The following KIF16B variants were observed in gnomAD, a reference collection of about 807,000 sequenced individuals.
The protein encoded by KIF16B is kinesin family member 16B.
Under a neutral mutation model 156.3 loss-of-function variants are expected in KIF16B, and 98 were observed. The observed-to-expected ratio is 0.63, with a 90% confidence interval of 0.53 to 0.74. The LOEUF (loss-of-function observed/expected upper bound fraction) is 0.74, where lower values mean the gene tolerates loss of function less well. Ranked by LOEUF, KIF16B falls within the 30% of genes least tolerant of loss-of-function variation. The pLI is 0.00. For synonymous variants in KIF16B, 564 were observed against 583.7 expected, an observed-to-expected ratio of 0.97 and a Z score of 0.49; for missense variants, 1,421 against 1,606.5, an observed-to-expected ratio of 0.88 and a Z score of 1.97.
intron 1 of KIF16B, among the ~76,000 whole-genome samples, chr20:16,534,207 A>G (rs1242104812): frequency 2.6e-5 from 4 of 152,100 alleles, no homozygotes; most frequent in African/African-American, 9.7e-5. Context: ...GTGAGCTGAG[A>G]TCGCGCCACT....
At chr20:16,424,186 C>A (rs1360772488) in intron 15 of KIF16B, among the ~76,000 whole-genome samples, 1 of 152,116 alleles carries the variant, frequency 6.6e-6, no homozygotes, top group Non-Finnish European at 1.5e-5. Flanking sequence ...GACCTTTGAT[C>A]TTCCTGGCCA....
intron 15 of KIF16B, among the ~76,000 whole-genome samples, chr20:16,411,827 G>C (rs149044835): frequency 1.2e-4 from 18 of 151,950 alleles, no homozygotes; most frequent in African/African-American, 4.1e-4. Flanking sequence ...TTTTGATTGC[G>C]ACCCCATCAC....
Position 16,273,836 on chromosome 20 carries a change from C to T in KIF16B, c.3796-425G>A, listed in dbSNP as rs6034435. On this transcript the variant is annotated intron_variant, in intron 25 of 25. Transcript: ENST00000354981. Reference sequence around the variant, plus strand: ...GAATGCCCTCCACTGTCCCACCTATCATCAGACCAACCAGAGAAGACGGAG... The same window carrying T: ...GAATGCCCTCCACTGTCCCACCTATTATCAGACCAACCAGAGAAGACGGAG... 4.2e-3 allele frequency among the ~76,000 whole-genome samples: 641 copies of T among 152,268 alleles called. 2 individuals are homozygous for T. Among genetic ancestry groups the T allele is most frequent in the African/African-American group, 0.015 (605 of 41,550 alleles).
chr20:16,367,958 A>G, intron 22 of KIF16B: 2 of 1,442,566 alleles, frequency 1.4e-6, no homozygotes, highest in Non-Finnish European at 1.8e-6. Flanking sequence ...AGAGCATGAA[A>G]AATGCTCATT....
chr20:16,406,715 C>T (rs745618471), intron 15 of KIF16B, among the ~76,000 whole-genome samples: 6 of 152,184 alleles, frequency 3.9e-5, no homozygotes, highest in Admixed American at 6.5e-5. Context: ...CTAAGCATTA[C>T]AACATATTAT....
intron 15 of KIF16B, among the ~76,000 whole-genome samples, chr20:16,410,091 G>C (rs1398999715): frequency 3.0e-5 from 3 of 101,534 alleles, no homozygotes. Context: ...ATATATGTAG[G>C]TACATATATA....
In KIF16B at chr20:16,447,317, C is replaced by A. The variant is rs149950633; in HGVS notation, c.1303-17335G>T. 1.3e-3 allele frequency among the ~76,000 whole-genome samples: 200 copies of A among 151,710 alleles called. 2 individuals are homozygous for A. Among genetic ancestry groups the A allele is most frequent in the East Asian group, 9.7e-3 (50 of 5,158 alleles). On this transcript the variant is annotated intron_variant, in intron 12 of 25. Coordinates refer to ENST00000354981, the MANE Select transcript of KIF16B (RefSeq NM_024704.5). Reference sequence around the variant, plus strand: ...TCTGATGTTAAAAAAAAAAAAGTTCCTTTTTTTTAATCACTTTCTTGAACT... The same window carrying A: ...TCTGATGTTAAAAAAAAAAAAGTTCATTTTTTTTAATCACTTTCTTGAACT...
At chr20:16,353,580 G>C (rs947290512) in intron 23 of KIF16B, among the ~76,000 whole-genome samples, 10 of 142,956 alleles carry the variant, frequency 7.0e-5, no homozygotes, top group African/African-American at 2.1e-4. Context: ...AACCCAATGA[G>C]GGGGGGGTTT....
Position 16,504,539 on chromosome 20 carries a change from G to A in KIF16B, c.1009C>T (p.Pro337Ser), listed in dbSNP as rs570220794. The change falls in exon 10 of 26, where the codon CCT becomes TCT. Residue 337 changes from proline (P) to serine (S), a missense_variant. Transcript: ENST00000354981. Reference sequence around the variant, plus strand: ...GTTTCTCCATAATTGACATCAGCAGGTGAAATGGCTGTGAAGAATGTATTC... The same window carrying A: ...GTTTCTCCATAATTGACATCAGCAGATGAAATGGCTGTGAAGAATGTATTC... ...SKTIMIATIS[P>S]ADVNYGETLS... The A allele has an allele frequency of 4.2e-5, 67 of 1,613,362 alleles. No homozygotes were observed. Among genetic ancestry groups the A allele is most frequent in the Non-Finnish European group, 4.7e-5 (56 of 1,179,460 alleles).
intron 22 of KIF16B, among the ~76,000 whole-genome samples, chr20:16,358,235 G>T (rs973222574): frequency 6.6e-6 from 1 of 152,112 alleles, no homozygotes; most frequent in African/African-American, 2.4e-5. Flanking sequence ...GAGGCACATG[G>T]CAGTCACACA....
chr20:16,316,339 C>T (rs554771944), intron 24 of KIF16B, among the ~76,000 whole-genome samples: 10 of 152,196 alleles, frequency 6.6e-5, no homozygotes, highest in Non-Finnish European at 4.4e-5. Flanking sequence ...AAAAGTAAAA[C>T]AAAAACTAGA....
At chr20:16,311,542 A>G (rs911557336) in intron 25 of KIF16B, among the ~76,000 whole-genome samples, 4 of 152,178 alleles carry the variant, frequency 2.6e-5, no homozygotes, top group African/African-American at 9.6e-5. Flanking sequence ...GAACTCTGAG[A>G]GTCTCCCTGA....
At chr20:16,550,163 C>G (rs2147283441) in intron 1 of KIF16B, among the ~76,000 whole-genome samples, 1 of 122,706 alleles carries the variant, frequency 8.1e-6, no homozygotes, top group Non-Finnish European at 1.7e-5. Flanking sequence ...AAAAAACAAA[C>G]AACCCCATCA....
intron 21 of KIF16B, among the ~76,000 whole-genome samples, chr20:16,371,411 A>G (rs1324987066): frequency 6.6e-6 from 1 of 151,944 alleles, no homozygotes; most frequent in Non-Finnish European, 1.5e-5. Flanking sequence ...ACATGGTGGT[A>G]GAAACCCTGT....
chr20:16,303,439 T>C (rs2063500032), intron 25 of KIF16B, among the ~76,000 whole-genome samples: 3 of 152,244 alleles, frequency 2.0e-5, no homozygotes, highest in Non-Finnish European at 4.4e-5. Context: ...CTTATCCTTG[T>C]TTTGCACTGA....
At chr20:16,412,028 C>CAGAGGT (rs1389810658) in intron 15 of KIF16B, among the ~76,000 whole-genome samples, 2 of 149,532 alleles carry the variant, frequency 1.3e-5, no homozygotes, top group African/African-American at 5.0e-5. Context: ...AGACAAAATA[C>CAGAGGT]AGAGGTAGAA....
intron 12 of KIF16B, among the ~76,000 whole-genome samples, chr20:16,453,345 T>C (rs902278860): frequency 1.3e-5 from 2 of 152,070 alleles, no homozygotes; most frequent in Admixed American, 6.5e-5. Flanking sequence ...AAAAAATTTC[T>C]AATTATAATT....
intron 15 of KIF16B, among the ~76,000 whole-genome samples, chr20:16,416,904 T>C (rs1365358210): frequency 6.6e-6 from 1 of 151,940 alleles, no homozygotes. Flanking sequence ...CTAGTTCAGG[T>C]TGGAGGAGGA....
chr20:16,285,717 T>C (rs919560536), intron 25 of KIF16B, among the ~76,000 whole-genome samples: 4 of 152,156 alleles, frequency 2.6e-5, no homozygotes, highest in Admixed American at 6.5e-5. Flanking sequence ...CTTGGAAGGC[T>C]GAGGTGGGAG....
Sources: allele counts gnomAD v4.1 joint callset (sites outside exome capture counted in the v4.1 genomes callset), GRCh38; gene constraint gnomAD v4.1.1; transcripts MANE v1.5; gene names NCBI Gene and HGNC (gene_info 2026-07-23, HGNC 2026-07-21).